BIRC6: variants seen among roughly 807,000 people sequenced by gnomAD.
BIRC6 encodes the protein baculoviral IAP repeat containing 6.
Under a neutral mutation model 503.3 loss-of-function variants are expected in BIRC6, and 98 were observed. That is an observed-to-expected ratio of 0.19 (90% CI 0.17 to 0.23). The LOEUF (loss-of-function observed/expected upper bound fraction) is 0.23. Among genes scored for constraint, BIRC6 ranks in the 10% least tolerant of loss-of-function variants. The pLI, the probability that BIRC6 is intolerant of heterozygous loss-of-function variation, is 1.00. For missense variants in BIRC6, 5,360 were observed against 5,806.0 expected (o/e 0.92, Z 2.50); for synonymous variants, 2,240 against 2,078.7 (o/e 1.08, Z -2.11).
At chr2:32,594,580 C>T (rs751088187) in intron 67 of BIRC6, among the ~76,000 whole-genome samples, 5 of 152,052 alleles carry the variant, frequency 3.3e-5, no homozygotes, top group Admixed American at 6.5e-5. Context: ...CCTGTGGTCC[C>T]GGCTACCTGG....
Position 32,531,332 on chromosome 2 carries a change from G to A in BIRC6, c.12095-23G>A, listed in dbSNP as rs776416764. ...AAATATACCCTTTCTTACCTATTCA[G>A]TTATTTGTAATTTATTGTCTAGATC... is the stretch of plus-strand genomic sequence containing the variant. On this transcript the variant is annotated intron_variant, in intron 60 of 73. Transcript: ENST00000421745. The A allele has an allele frequency of 5.7e-6, 9 of 1,578,514 alleles. No homozygotes were observed. In the African/African-American group the frequency reaches 9.5e-5, roughly 17 times the overall value.
intron 45 of BIRC6, among the ~76,000 whole-genome samples, chr2:32,497,371 A>T (rs1044160828): frequency 3.3e-5 from 5 of 152,228 alleles, no homozygotes; most frequent in African/African-American, 1.2e-4. Flanking sequence ...TGGTCATAAC[A>T]TATCAGTCCA....
At chr2:32,426,012 T>C (rs1231520691) in intron 10 of BIRC6, among the ~76,000 whole-genome samples, 1 of 152,214 alleles carries the variant, frequency 6.6e-6, no homozygotes, top group Non-Finnish European at 1.5e-5. Flanking sequence ...ATTGTAGATA[T>C]CCTGTTAGGT....
chr2:32,448,962 T>C, intron 22 of BIRC6, 34 bp downstream of exon 22: 1 of 1,585,162 alleles, frequency 6.3e-7, no homozygotes, highest in Non-Finnish European at 8.6e-7. Context: ...AAATTCTGAA[T>C]GTTGTATCTT....
At chr2:32,423,302 TTAAA>T (rs1240003318) in intron 10 of BIRC6, among the ~76,000 whole-genome samples, 1 of 152,148 alleles carries the variant, frequency 6.6e-6, no homozygotes, top group Non-Finnish European at 1.5e-5. Context: ...TTAAAATGTG[TTAAA>T]TATATATAAT....
chr2:32,546,611 A>AATGGC (rs2058068536), intron 63 of BIRC6, among the ~76,000 whole-genome samples: 1 of 152,084 alleles, frequency 6.6e-6, no homozygotes, highest in East Asian at 1.9e-4. Context: ...CAAAATAATT[A>AATGGC]ATGGCATAAG....
Position 32,553,197 on chromosome 2 carries a change from C to CAAAAAAAAAAAAAAAAAA in BIRC6, c.13144+3736_13144+3753dup, listed in dbSNP as rs763552918. On this transcript the variant is annotated intron_variant, in intron 65 of 73. Coordinates refer to ENST00000421745, the MANE Select transcript of BIRC6 (RefSeq NM_016252.4). ...GGGTGACAAGAGTGAAACTCTGTCT[C>CAAAAAAAAAAAAAAAAAA]AAAAAAAAAAAAAAAAAAAAAAAAA... 5.2e-4 allele frequency among the ~76,000 whole-genome samples: 18 copies of CAAAAAAAAAAAAAAAAAA among 34,950 alleles called. 1 individual carries two copies. Among genetic ancestry groups the CAAAAAAAAAAAAAAAAAA allele is most frequent in the Non-Finnish European group, 7.8e-4 (16 of 20,582 alleles). The allele number at this position is 34,950 out of a possible 152,430, so 22.9% of individuals were successfully genotyped here. A position where few individuals can be genotyped will look rare whatever the true frequency, so the allele number is the denominator to read the frequency against.
chr2:32,513,084 A>G lies in BIRC6; in HGVS notation c.10498A>G (p.Ile3500Val), dbSNP rs766272257. ...TTCTCATTTGCACTGTGTAGCAGCC[A>G]TTCTGTGGCATAGTTATGAGCTGCT... ...SPSHLHCVAA[I>V]LWHSYELLVE... is the part of the protein sequence containing the mutation. The change falls in exon 54 of 74, where the codon ATT (isoleucine) becomes GTT (valine). Residue 3500 changes from isoleucine (I) to valine (V), a missense_variant. By Grantham distance (29) the Ile-to-Val change is conservative. Around this residue, in one of 16 missense-constraint regions of BIRC6, gnomAD observed 878 missense variants for 928.9 expected, o/e 0.95. Coordinates refer to ENST00000421745, the MANE Select transcript of BIRC6 (RefSeq NM_016252.4). 2 of 1,613,948 alleles carry G rather than the reference A, an allele frequency of 1.2e-6. No individual in the cohort carries two copies. Among genetic ancestry groups the G allele is most frequent in the African/African-American group, 1.3e-5 (1 of 75,050 alleles).
At chr2:32,471,394 C>T (rs975459971) in intron 32 of BIRC6, among the ~76,000 whole-genome samples, 3 of 152,196 alleles carry the variant, frequency 2.0e-5, no homozygotes, top group Non-Finnish European at 4.4e-5. Flanking sequence ...TGTCTTCCCT[C>T]AGGCTTGTTT....
chr2:32,400,628 C>T (rs2040504097), intron 6 of BIRC6, among the ~76,000 whole-genome samples: 2 of 152,106 alleles, frequency 1.3e-5, no homozygotes, highest in Non-Finnish European at 2.9e-5. Context: ...TGAGCCACCG[C>T]ACCCGGCTGC....
intron 53 of BIRC6, 48 bp downstream of exon 53, chr2:32,510,682 A>C (rs1274847586): frequency 8.3e-7 from 1 of 1,211,114 alleles, no homozygotes; most frequent in Non-Finnish European, 1.2e-6. Context: ...GCACATAATC[A>C]TGCTATAGTA....
intron 37 of BIRC6, among the ~76,000 whole-genome samples, chr2:32,480,692 A>T (rs1480093068): frequency 8.1e-6 from 1 of 123,732 alleles, no homozygotes; most frequent in Non-Finnish European, 1.6e-5. Context: ...CCCAGGCTGG[A>T]GCACAATGGC....
In BIRC6 at chr2:32,588,752, A is replaced by G. The variant is rs77445247; in HGVS notation, c.13356-5163A>G. On this transcript the variant is annotated intron_variant, in intron 66 of 73. Coordinates refer to ENST00000421745, the MANE Select transcript of BIRC6 (RefSeq NM_016252.4). The stretch of plus-strand genomic sequence containing the variant: ...CTCAGTTACCTCCACTAATAAAGGG[A>G]TTTCTGGCGTGGATAACATAATACT... 6.8e-3 allele frequency among the ~76,000 whole-genome samples: 1,043 copies of G among 152,320 alleles called. 11 individuals carry two copies. The highest frequency in any genetic ancestry group is 0.017 in the Middle Eastern group (5 of 294).
intron 3 of BIRC6, among the ~76,000 whole-genome samples, chr2:32,388,263 C>G (rs946548917): frequency 6.6e-6 from 1 of 151,876 alleles, no homozygotes; most frequent in African/African-American, 2.4e-5. Context: ...TGCCTGTAAT[C>G]CCAGCTACTC....
At chr2:32,445,734 C>T in intron 21 of BIRC6, 66 bp downstream of exon 21, 2 of 1,175,254 alleles carry the variant, frequency 1.7e-6, no homozygotes, top group Non-Finnish European at 2.2e-6. Flanking sequence ...TTGCAGAGAA[C>T]TGTTATTTAA....
At chr2:32,404,440 C>T (rs1369567018) in intron 8 of BIRC6, among the ~76,000 whole-genome samples, 1 of 151,682 alleles carries the variant, frequency 6.6e-6, no homozygotes, top group Non-Finnish European at 1.5e-5. Flanking sequence ...GCCTCAGTCT[C>T]CTGAGTAGCT....
At position 32,575,302 on chromosome 2, in the gene BIRC6, A is replaced by G. The variant is rs776713360; in HGVS notation, c.13291A>G (p.Thr4431Ala). The G allele has an allele frequency of 7.4e-6, 12 of 1,613,836 alleles. No individual in the cohort carries two copies. Among genetic ancestry groups the G allele is most frequent in the East Asian group, 2.2e-5 (1 of 44,882 alleles). The change falls in exon 66 of 74, where the codon ACT (threonine) becomes GCT (alanine). Residue 4431 changes from threonine (T) to alanine (A), a missense_variant. Transcript: ENST00000421745. ...EEEEEQSECQ[T>A]SVGTLLAKMK... ...GGAAGAAGAACAGTCAGAATGTCAA[A>G]CTTCTGTTGGTACATTGTTAGCCAA...
At chr2:32,613,747 T>C (rs760671579) in intron 73 of BIRC6, among the ~76,000 whole-genome samples, 3 of 152,342 alleles carry the variant, frequency 2.0e-5, no homozygotes, top group Middle Eastern at 3.4e-3. Context: ...CTAATGTTTG[T>C]CTTTTGTACT....
chr2:32,580,377 C>A (rs1304791689), intron 66 of BIRC6, among the ~76,000 whole-genome samples: 1 of 152,058 alleles, frequency 6.6e-6, no homozygotes, highest in African/African-American at 2.4e-5. Flanking sequence ...GAATAGAGTA[C>A]AAATGAAGAG....
Sources: allele counts gnomAD v4.1 joint callset (sites outside exome capture counted in the v4.1 genomes callset), GRCh38; gene constraint gnomAD v4.1.1; regional missense constraint gnomAD v4.1.1; transcripts MANE v1.5; gene names NCBI Gene and HGNC (gene_info 2026-07-23, HGNC 2026-07-21).